Variants in TPR observed in about 807,000 individuals in gnomAD.
TPR encodes the protein nucleoprotein TPR.
A neutral mutation model predicts 316.1 loss-of-function variants in TPR; 51 were observed. That is an observed-to-expected ratio of 0.16 (90% CI 0.13 to 0.20). The LOEUF is 0.20. TPR is among the 10% of genes least tolerant of loss of function. The pLI, the probability that TPR is intolerant of heterozygous loss-of-function variation, is 1.00. For synonymous variants in TPR, 981 were observed against 914.7 expected (o/e 1.07, Z -1.31); for missense variants, 2,272 against 2,754.8 (o/e 0.82, Z 3.92).
At chr1:186,345,969 GA>G (rs1285668445) in intron 23 of TPR, among the ~76,000 whole-genome samples, 165 bp downstream of exon 23, 1 of 152,020 alleles carries the variant, frequency 6.6e-6, no homozygotes, top group Non-Finnish European at 1.5e-5. Flanking sequence ...ATTTCAACGG[GA>G]AATGTATATA....
chr1:186,361,941 A>G (rs1236688802), intron 7 of TPR, 72 bp from the exon 8 acceptor site: 3 of 1,471,534 alleles, frequency 2.0e-6, no homozygotes, highest in Non-Finnish European at 2.8e-6. Context: ...TGACAAGATG[A>G]AAAATTCCAT....
chr1:186,362,348 T>G lies in TPR; in HGVS notation c.729A>C (p.Leu243Phe), dbSNP rs375849403. The G allele has an allele frequency of 1.2e-6, 2 of 1,612,288 alleles. No individual in the cohort carries two copies. The highest frequency in any genetic ancestry group is 2.2e-5 in the South Asian group (2 of 90,984). ...VSRLEEQMNG[L>F]KTSNEHLQKH... Reference sequence around the variant, plus strand: ...TTTGAAGATGTTCATTTGATGTTTTTAAGCCATTCATTTGTTCTTCCAGTC... The same window carrying G: ...TTTGAAGATGTTCATTTGATGTTTTGAAGCCATTCATTTGTTCTTCCAGTC... Residue 243 changes from leucine (L) to phenylalanine (F), a missense_variant, in exon 7 of 51, where the codon TTA (leucine) becomes TTC (phenylalanine). Leu to Phe is a conservative substitution (Grantham distance 22). This residue lies in a region of TPR where 549 missense variants were observed against 598.6 expected (regional missense o/e 0.92). Transcript: ENST00000367478.
chr1:186,344,949 A>G (rs1391037226), intron 24 of TPR, among the ~76,000 whole-genome samples: 1 of 152,212 alleles, frequency 6.6e-6, no homozygotes, highest in Non-Finnish European at 1.5e-5. Context: ...AATAAAGAAT[A>G]GTAAGCAAAT....
intron 4 of TPR, among the ~76,000 whole-genome samples, chr1:186,364,856 T>C (rs1659291335): frequency 6.6e-6 from 1 of 152,028 alleles, no homozygotes; most frequent in South Asian, 2.1e-4. Flanking sequence ...AGCACCAGGA[T>C]TAGGGCAGGA....
chr1:186,339,636 A>G lies in TPR; in HGVS notation c.4151+6T>C. The G allele has an allele frequency of 1.3e-6, 2 of 1,571,698 alleles. No individual in the cohort carries two copies. Among genetic ancestry groups the G allele is most frequent in the Non-Finnish European group, 1.7e-6 (2 of 1,162,680 alleles). On this transcript the variant is annotated splice_donor_region_variant and intron_variant, in intron 30 of 50. Coordinates refer to ENST00000367478, the MANE Select transcript of TPR (RefSeq NM_003292.3). The stretch of plus-strand genomic sequence containing the variant: ...TATATATGATTTAAGGCTTCTTTCC[A>G]TATACCTTGCAATTTCAGCTTTAAG...
At position 186,318,259 on chromosome 1, in the gene TPR, C is replaced by T. The variant is rs149037381; in HGVS notation, c.6821+188G>A. On this transcript the variant is annotated intron_variant, in intron 48 of 50. Coordinates refer to ENST00000367478, the MANE Select transcript of TPR (RefSeq NM_003292.3). Reference sequence around the variant, plus strand: ...CAGAAAATTGCTTGAACCCAGGAGGCGGAGGCTGCACTGAGCCGAGATCAC... The same window carrying T: ...CAGAAAATTGCTTGAACCCAGGAGGTGGAGGCTGCACTGAGCCGAGATCAC... 8.7e-3 allele frequency among the ~76,000 whole-genome samples: 1,322 copies of T among 151,106 alleles called. 21 individuals carry two copies. The highest frequency in any genetic ancestry group is 0.028 in the African/African-American group (1,153 of 41,162).
chr1:186,366,217 C>G (rs921733287), intron 4 of TPR, among the ~76,000 whole-genome samples: 1 of 152,176 alleles, frequency 6.6e-6, no homozygotes, highest in Non-Finnish European at 1.5e-5. Context: ...CCCCTTCTAC[C>G]TCTGCAACCT....
rs545014617 is a variant in TPR, at chr1:186,312,026, C to T, written c.*1945G>A. 505 of 638,288 alleles carry T rather than the reference C, an allele frequency of 7.9e-4. 8 individuals are homozygous for T. The African/African-American group carries it at 8.7e-3, about 11-fold the overall frequency. The allele number at this position is 638,288 out of a possible 1,614,324, so 39.5% of individuals were successfully genotyped here. On this transcript the variant is annotated 3_prime_UTR_variant, in exon 51 of 51. Transcript: ENST00000367478. ...GTTTAATAATTATTTTTATAATACC[C>T]TTGACTAATAGCCATTATTAATATC...
intron 36 of TPR, 110 bp downstream of exon 36, chr1:186,334,215 T>C (rs964725840): frequency 1.8e-6 from 2 of 1,127,820 alleles, no homozygotes; most frequent in Admixed American, 3.0e-5. Flanking sequence ...ATTTTTACAA[T>C]GACGTGACTT....
Position 186,313,556 on chromosome 1 carries a change from A to G in TPR, c.*415T>C. ...TCTTTTTGTTATAAAGTTCAAATTA[A>G]TTAGTAAAAACATCTCTATTAAAAT... On this transcript the variant is annotated 3_prime_UTR_variant, in exon 51 of 51. Transcript: ENST00000367478. 1.6e-6 allele frequency: 1 copy of G among 639,910 alleles called. No homozygotes were observed. The highest frequency in any genetic ancestry group is 2.8e-6 in the Non-Finnish European group (1 of 361,258). The allele number at this position is 639,910 out of a possible 1,614,324, so 39.6% of individuals were successfully genotyped here.
At chr1:186,314,491 C>T in intron 50 of TPR, 138 bp downstream of exon 50, 1 of 558,012 alleles carries the variant, frequency 1.8e-6, no homozygotes, top group Non-Finnish European at 3.0e-6. Context: ...TGGTAAATAT[C>T]ACCTGCTCAA....
intron 49 of TPR, 43 bp downstream of exon 49, chr1:186,317,439 T>C (rs1657644127): frequency 1.4e-6 from 2 of 1,455,254 alleles, no homozygotes; most frequent in African/African-American, 1.4e-5. Context: ...ACAAACAAGT[T>C]TGATGTATAA....
At chr1:186,333,034 G>T in intron 37 of TPR, 88 bp downstream of exon 37, 1 of 1,446,438 alleles carries the variant, frequency 6.9e-7, no homozygotes, top group Non-Finnish European at 9.3e-7. Context: ...TTTGTACAAA[G>T]AATACTCAAG....
At chr1:186,326,312 T>C (rs1657931488) in intron 40 of TPR, 77 bp from the exon 41 acceptor site, 3 of 1,529,330 alleles carry the variant, frequency 2.0e-6, no homozygotes, top group African/African-American at 1.4e-5. Context: ...ATACCACACT[T>C]AGAAATTTAA....
At chr1:186,327,350 T>C (rs1170025598) in intron 40 of TPR, 110 bp downstream of exon 40, 41 of 520,132 alleles carry the variant, frequency 7.9e-5, no homozygotes, top group Non-Finnish European at 1.3e-4. Flanking sequence ...ATATAATCTA[T>C]TTAAGCTGAC....
chr1:186,350,072 C>T (rs1658814482), intron 21 of TPR, 151 bp downstream of exon 21: 2 of 689,624 alleles, frequency 2.9e-6, no homozygotes, highest in Non-Finnish European at 4.4e-6. Context: ...AATTGAGTAC[C>T]ACTATATAAA....
chr1:186,341,520 T>C, intron 27 of TPR, 131 bp from the exon 28 acceptor site: 1 of 1,009,298 alleles, frequency 9.9e-7, no homozygotes, highest in East Asian at 2.7e-5. Flanking sequence ...ACTAAAATTT[T>C]TGAAAGTTCA....
chr1:186,351,672 A>G (rs1033613647), intron 19 of TPR, among the ~76,000 whole-genome samples: 2 of 152,206 alleles, frequency 1.3e-5, no homozygotes, highest in Non-Finnish European at 2.9e-5. Flanking sequence ...ATGTATTATA[A>G]TCGTCATTCA....
At position 186,352,293 on chromosome 1, in the gene TPR, T is replaced by C. The variant is rs1023108661; in HGVS notation, c.2335-183A>G. On this transcript the variant is annotated intron_variant, in intron 18 of 50. Coordinates refer to ENST00000367478, the MANE Select transcript of TPR (RefSeq NM_003292.3). The stretch of plus-strand genomic sequence containing the variant: ...GTGCTAAAATACGAAGCAAAAATTA[T>C]TGGGGATCATCAATGAAAAAATCTT... Among the ~76,000 whole-genome samples the C allele has an allele frequency of 5.9e-5, 9 of 152,124 alleles. 1 individual carries two copies. The highest frequency in any genetic ancestry group is 3.8e-4 in the East Asian group (2 of 5,198).
Sources: allele counts gnomAD v4.1 joint callset (sites outside exome capture counted in the v4.1 genomes callset), GRCh38; gene constraint gnomAD v4.1.1; regional missense constraint gnomAD v4.1.1; transcripts MANE v1.5; gene names NCBI Gene and HGNC (gene_info 2026-07-23, HGNC 2026-07-21).